The following RANBP17 variants were observed in gnomAD, a reference collection of about 807,000 sequenced individuals.
RANBP17 encodes the protein ran-binding protein 17.
In RANBP17, 158 loss-of-function variants were observed where a neutral mutation model predicts 141.2. The ratio of observed to expected loss-of-function variants is 1.12; its 90% CI spans 0.98 to 1.28. The LOEUF is 1.28. RANBP17 is among the 50% of genes most tolerant of loss of function. The pLI, the probability that RANBP17 is intolerant of heterozygous loss-of-function variation, is 0.00. For synonymous variants in RANBP17, 430 were observed against 450.0 expected (o/e 0.96, Z 0.56); for missense variants, 1,438 against 1,290.7 (o/e 1.11, Z -1.75).
intron 18 of RANBP17, among the ~76,000 whole-genome samples, chr5:171,186,760 T>A (rs1017860956): frequency 2.0e-5 from 3 of 151,592 alleles, no homozygotes; most frequent in Admixed American, 6.6e-5. Context: ...ATGGTCTCGA[T>A]CTCCTGACCT....
chr5:171,006,390 TA>T (rs1779609479), intron 14 of RANBP17, among the ~76,000 whole-genome samples: 1 of 152,174 alleles, frequency 6.6e-6, no homozygotes. Flanking sequence ...ATGTGGCACA[TA>T]TACACCATGG....
intron 14 of RANBP17, among the ~76,000 whole-genome samples, chr5:171,110,475 C>G (rs1306127084): frequency 2.0e-5 from 3 of 152,138 alleles, no homozygotes; most frequent in African/African-American, 4.8e-5. Flanking sequence ...TATCTTCCTT[C>G]TCTGTGTCTC....
intron 5 of RANBP17, among the ~76,000 whole-genome samples, chr5:170,908,796 C>T (rs1420856817): frequency 6.6e-6 from 1 of 151,844 alleles, no homozygotes; most frequent in Non-Finnish European, 1.5e-5. Flanking sequence ...CGAGTATAAT[C>T]TAAATTATAT....
intron 14 of RANBP17, among the ~76,000 whole-genome samples, chr5:171,007,544 A>G (rs2127585996): frequency 1.3e-5 from 2 of 152,206 alleles, no homozygotes; most frequent in South Asian, 4.2e-4. Context: ...TTGGGACTGA[A>G]GGGACAGGTG....
intron 14 of RANBP17, among the ~76,000 whole-genome samples, chr5:171,052,815 A>T (rs533698330): frequency 6.6e-6 from 1 of 152,194 alleles, no homozygotes; most frequent in Non-Finnish European, 1.5e-5. Flanking sequence ...AAGTATTGCC[A>T]TCTTAATAAT....
At chr5:171,266,805 G>A (rs190192884) in intron 25 of RANBP17, among the ~76,000 whole-genome samples, 5 of 151,890 alleles carry the variant, frequency 3.3e-5, no homozygotes, top group South Asian at 2.1e-4. Flanking sequence ...CCAGCTAGTC[G>A]GGATGCTGAG....
intron 3 of RANBP17, among the ~76,000 whole-genome samples, chr5:170,882,465 A>G (rs892237481): frequency 1.3e-5 from 2 of 152,126 alleles, no homozygotes; most frequent in African/African-American, 4.8e-5. Flanking sequence ...TTATCCACCA[A>G]ATAAGATTTT....
intron 14 of RANBP17, among the ~76,000 whole-genome samples, chr5:171,021,806 A>G (rs540579038): frequency 5.5e-4 from 84 of 152,236 alleles, no homozygotes; most frequent in African/African-American, 1.8e-3. Context: ...CCAGTTCTGC[A>G]CCCTTGCTGG....
chr5:171,255,074 G>A (rs543013730), intron 24 of RANBP17, among the ~76,000 whole-genome samples: 5 of 152,196 alleles, frequency 3.3e-5, no homozygotes, highest in Admixed American at 6.5e-5. Flanking sequence ...AAAGTATTTT[G>A]ACAAGTTTCT....
chr5:171,226,799 G>A (rs1156702412), intron 22 of RANBP17, among the ~76,000 whole-genome samples: 1 of 152,176 alleles, frequency 6.6e-6, no homozygotes, highest in Non-Finnish European at 1.5e-5. Context: ...TCACTTGCAT[G>A]TACTATTAGA....
At chr5:170,967,993 A>C (rs906330628) in intron 13 of RANBP17, among the ~76,000 whole-genome samples, 3 of 151,846 alleles carry the variant, frequency 2.0e-5, no homozygotes, top group Non-Finnish European at 3.0e-5. Context: ...GTATATACAT[A>C]CAGAGTTTTG....
chr5:170,914,568 C>A (rs1055727994), intron 8 of RANBP17, among the ~76,000 whole-genome samples: 1 of 152,126 alleles, frequency 6.6e-6, no homozygotes, highest in African/African-American at 2.4e-5. Flanking sequence ...GACCACCACA[C>A]AAGGACTTTC....
At chr5:171,089,955 G>C (rs978006361) in intron 14 of RANBP17, among the ~76,000 whole-genome samples, 18 of 152,204 alleles carry the variant, frequency 1.2e-4, no homozygotes, top group Non-Finnish European at 1.9e-4. Flanking sequence ...GACCGGAGCT[G>C]TTCCTGTTCG....
intron 14 of RANBP17, among the ~76,000 whole-genome samples, chr5:171,134,334 T>C (rs1048318717): frequency 4.6e-5 from 7 of 152,218 alleles, no homozygotes; most frequent in African/African-American, 1.4e-4. Flanking sequence ...TTTAGCCTAA[T>C]AAGGATTATC....
At chr5:170,917,959 A>T (rs1269961382) in intron 9 of RANBP17, among the ~76,000 whole-genome samples, 1 of 152,126 alleles carries the variant, frequency 6.6e-6, no homozygotes, top group Non-Finnish European at 1.5e-5. Context: ...GCTCCTATGA[A>T]TGAAATTGCT....
intron 20 of RANBP17, among the ~76,000 whole-genome samples, chr5:171,209,430 AT>A (rs1185599994): frequency 4.6e-5 from 7 of 152,218 alleles, no homozygotes; most frequent in Non-Finnish European, 7.3e-5. Context: ...TGGCAGTATC[AT>A]TTTGGGCAAA....
At chr5:171,252,457 T>G in intron 24 of RANBP17, 1 of 1,489,760 alleles carries the variant, frequency 6.7e-7, no homozygotes, top group Non-Finnish European at 9.3e-7. Context: ...TACTCACTGC[T>G]TAAGGGCTTT....
intron 14 of RANBP17, among the ~76,000 whole-genome samples, chr5:171,146,189 T>C (rs1758017187): frequency 6.6e-6 from 1 of 152,210 alleles, no homozygotes; most frequent in South Asian, 2.1e-4. Flanking sequence ...ATTTATCTTC[T>C]ATGCGTATAA....
chr5:171,143,103 G>T (rs1400207095), intron 14 of RANBP17, among the ~76,000 whole-genome samples: 1 of 152,140 alleles, frequency 6.6e-6, no homozygotes, highest in Non-Finnish European at 1.5e-5. Flanking sequence ...ACAGCTCCAT[G>T]ATCACTCACT....
Sources: gnomAD v4.1 joint callset for allele counts (sites outside exome capture counted in the v4.1 genomes callset) on GRCh38, gnomAD v4.1.1 for gene constraint, MANE v1.5 for transcripts, NCBI Gene and HGNC (gene_info 2026-07-23, HGNC 2026-07-21) for gene names.